The following ARHGEF7 variants were observed in gnomAD, a reference collection of about 807,000 sequenced individuals.
ARHGEF7 encodes Rho guanine nucleotide exchange factor 7, also known as PAK-interacting exchange factor beta.
ARHGEF7 carries 33 observed loss-of-function variants against 109.8 expected under a neutral mutation model. That is an observed-to-expected ratio of 0.30 (90% CI 0.23 to 0.40). The LOEUF is 0.40. Ranked by LOEUF, ARHGEF7 falls within the 10% of genes least tolerant of loss-of-function variation. The pLI, the probability that ARHGEF7 is intolerant of heterozygous loss-of-function variation, is 1.00. For missense variants in ARHGEF7, 938 were observed against 1,098.5 expected (o/e 0.85, Z 2.07); for synonymous variants, 458 against 424.6 (o/e 1.08, Z -0.97).
Position 111,220,811 on chromosome 13 carries a change from G to A in ARHGEF7, c.670+2931G>A, listed in dbSNP as rs369487213. Among the ~76,000 whole-genome samples the A allele has an allele frequency of 1.0e-3, 152 of 152,082 alleles. 1 individual carries two copies. The highest frequency in any genetic ancestry group is 3.5e-3 in the African/African-American group (145 of 41,460). On this transcript the variant is annotated intron_variant, in intron 5 of 21. Transcript: ENST00000646102. ...ACTCATGTCTTAGGCGTGTCTGAGC[G>A]TGTGTGCGTGCCCGGTTTCAACGTA...
Position 111,242,595 on chromosome 13 carries a change from C to T in ARHGEF7, c.760-1277C>T, listed in dbSNP as rs2087980605. Among the ~76,000 whole-genome samples the T allele has an allele frequency of 2.6e-5, 4 of 152,210 alleles. No individual in the cohort carries two copies. In the South Asian group the frequency reaches 8.3e-4, roughly 32 times the overall value. ...TTTCCTGATTTAAAAAGCACTAGCTCTGTAACAGACTCGGGTGAAAAAGAA... is the reference window on the plus strand; with the variant it reads ...TTTCCTGATTTAAAAAGCACTAGCTTTGTAACAGACTCGGGTGAAAAAGAA... On this transcript the variant is annotated intron_variant, in intron 6 of 21. Transcript: ENST00000646102.
chr13:111,135,210 G>C (rs2075025214), intron 1 of ARHGEF7, among the ~76,000 whole-genome samples: 1 of 152,164 alleles, frequency 6.6e-6, no homozygotes, highest in South Asian at 2.1e-4. Flanking sequence ...TAGCCTTGTA[G>C]TATAGTTTGA....
At chr13:111,293,452 AAACTC>A in intron 19 of ARHGEF7, 3 of 985,234 alleles carry the variant, frequency 3.0e-6, no homozygotes, top group Non-Finnish European at 3.6e-6. Flanking sequence ...AAAAAAAAAA[AAACTC>A]ACCCGTTTTC....
chr13:111,237,638 C>T (rs1214590119), intron 6 of ARHGEF7, among the ~76,000 whole-genome samples: 3 of 152,016 alleles, frequency 2.0e-5, no homozygotes, highest in Non-Finnish European at 4.4e-5. Context: ...GCAAGCAACC[C>T]AAAATAAACA....
At chr13:111,237,854 GT>G (rs2087047306) in intron 6 of ARHGEF7, among the ~76,000 whole-genome samples, 1 of 152,308 alleles carries the variant, frequency 6.6e-6, no homozygotes, top group South Asian at 2.1e-4. Context: ...CTAGAGAATG[GT>G]TTCTTTCCAG....
At chr13:111,260,693 A>C (rs981948368) in intron 8 of ARHGEF7, among the ~76,000 whole-genome samples, 1 of 152,270 alleles carries the variant, frequency 6.6e-6, no homozygotes, top group Non-Finnish European at 1.5e-5. Context: ...TGGTAATAGT[A>C]CTCAGAAGAA....
At chr13:111,120,517 GCA>G (rs992014117) in intron 1 of ARHGEF7, among the ~76,000 whole-genome samples, 7 of 144,902 alleles carry the variant, frequency 4.8e-5, no homozygotes, top group African/African-American at 1.2e-4. Context: ...ACGCACACAC[GCA>G]CACACAGACA....
chr13:111,161,322 G>A (rs1016029249), intron 2 of ARHGEF7, among the ~76,000 whole-genome samples: 1 of 152,152 alleles, frequency 6.6e-6, no homozygotes, highest in African/African-American at 2.4e-5. Context: ...AGCTGCCCAT[G>A]ATTATCAGGT....
intron 1 of ARHGEF7, among the ~76,000 whole-genome samples, chr13:111,144,904 G>A (rs181794536): frequency 5.1e-4 from 77 of 152,296 alleles, no homozygotes; most frequent in African/African-American, 1.7e-3. Flanking sequence ...AGAGAGAAAA[G>A]CAAATTTCCC....
intron 2 of ARHGEF7, among the ~76,000 whole-genome samples, chr13:111,183,972 G>A (rs1182789175): frequency 2.0e-5 from 3 of 152,112 alleles, no homozygotes; most frequent in Non-Finnish European, 4.4e-5. Context: ...AACCCTCTCT[G>A]TGTGGTTGGG....
At chr13:111,294,289 G>C (rs1595603003) in intron 19 of ARHGEF7, 1 of 985,414 alleles carries the variant, frequency 1.0e-6, no homozygotes, top group East Asian at 1.1e-4. Context: ...TGTTTGCCTC[G>C]AGACTACTCA....
chr13:111,125,360 A>G (rs1208151386), intron 1 of ARHGEF7, among the ~76,000 whole-genome samples: 1 of 147,794 alleles, frequency 6.8e-6, no homozygotes, highest in African/African-American at 2.5e-5. Flanking sequence ...TTTTGTGCAT[A>G]ACTTTATTAT....
chr13:111,199,212 G>T (rs2080927640), intron 2 of ARHGEF7, among the ~76,000 whole-genome samples: 1 of 152,218 alleles, frequency 6.6e-6, no homozygotes, highest in South Asian at 2.1e-4. Context: ...TCCTCGAAGG[G>T]CAGGGGGAGT....
intron 1 of ARHGEF7, among the ~76,000 whole-genome samples, chr13:111,120,885 C>T (rs942219070): frequency 2.6e-5 from 4 of 152,166 alleles, no homozygotes; most frequent in African/African-American, 4.8e-5. Context: ...CACTCGGAGG[C>T]GGAAGATTCC....
At position 111,304,795 on chromosome 13, in the gene ARHGEF7, G is replaced by A. The variant is rs892670116; in HGVS notation, c.*1682G>A. On this transcript the variant is annotated 3_prime_UTR_variant, in exon 22 of 22. Transcript: ENST00000646102. Reference sequence around the variant, plus strand: ...CTCACCTGGACTTTTCACTAGAATTGCCAGCTTCCTCAACTTAGCAGATCA... The same window carrying A: ...CTCACCTGGACTTTTCACTAGAATTACCAGCTTCCTCAACTTAGCAGATCA... The A allele has an allele frequency of 1.3e-5, 2 of 152,286 alleles. No individual in the cohort carries two copies. Among genetic ancestry groups the A allele is most frequent in the African/African-American group, 4.8e-5 (2 of 41,468 alleles). The allele number at this position is 152,286 out of a possible 1,614,324, so 9.4% of individuals were successfully genotyped here.
chr13:111,302,936 A>T, intron 21 of ARHGEF7, 55 bp from the exon 22 acceptor site: 6 of 1,602,170 alleles, frequency 3.7e-6, no homozygotes, highest in Non-Finnish European at 5.1e-6. Flanking sequence ...TGGGGAAAGG[A>T]AGCCCTACGC....
In ARHGEF7 at chr13:111,228,182, T is replaced by G. The variant is rs1327172493; in HGVS notation, c.671-5023T>G. Among the ~76,000 whole-genome samples the G allele has an allele frequency of 6.6e-6, 1 of 152,232 alleles. No individual in the cohort carries two copies. The highest frequency in any genetic ancestry group is 1.5e-5 in the Non-Finnish European group (1 of 68,038). ...GGCGCTTTTATAGAATGAAAGAGAC[T>G]TTAGTGGCACAGCAGCCAGATGTGC... is the stretch of plus-strand genomic sequence containing the variant. On this transcript the variant is annotated intron_variant, in intron 5 of 21. Transcript: ENST00000646102. This position sits in a 1 kb window ranked among gnomAD's most constrained non-coding sequence, Gnocchi z 4.6.
rs560421786 is a variant in ARHGEF7 at position 111,226,609 on chromosome 13, T to C, written c.671-6596T>C. On this transcript the variant is annotated intron_variant, in intron 5 of 21. Transcript: ENST00000646102. ...GACCTCCCACTCAGGAAAAAAAGATTCCCTTGAGCATGTTACTGCTTATTG... is the reference window on the plus strand; with the variant it reads ...GACCTCCCACTCAGGAAAAAAAGATCCCCTTGAGCATGTTACTGCTTATTG... Among the ~76,000 whole-genome samples, 8 of 152,270 alleles carry C rather than the reference T, an allele frequency of 5.3e-5. No homozygotes were observed. In the South Asian group the frequency reaches 1.4e-3, roughly 28 times the overall value.
At chr13:111,165,331 G>A (rs1400833889) in intron 2 of ARHGEF7, among the ~76,000 whole-genome samples, 2 of 152,170 alleles carry the variant, frequency 1.3e-5, no homozygotes, top group African/African-American at 4.8e-5. Flanking sequence ...TTCATGCCTG[G>A]CCCATGTGGG....
Sources: gnomAD v4.1 joint callset for allele counts (sites outside exome capture counted in the v4.1 genomes callset) on GRCh38, gnomAD v4.1.1 for gene constraint, Gnocchi (gnomAD v3.1) non-coding constraint, MANE v1.5 for transcripts, NCBI Gene and HGNC (gene_info 2026-07-23, HGNC 2026-07-21) for gene names.